SLCO5A1: variants seen among roughly 807,000 people sequenced by gnomAD.
SLCO5A1 encodes organic anion transporter polypeptide-related protein 4.
A neutral mutation model predicts 65.1 loss-of-function variants in SLCO5A1; 39 were observed. The ratio of observed to expected loss-of-function variants is 0.60; its 90% CI spans 0.46 to 0.78. The LOEUF is 0.78. Ranked by LOEUF, SLCO5A1 falls within the 30% of genes least tolerant of loss-of-function variation. The pLI is 0.00. For synonymous variants in SLCO5A1, 438 were observed against 415.7 expected (o/e 1.05, Z -0.65); for missense variants, 1,029 against 1,069.4 (o/e 0.96, Z 0.53).
intron 2 of SLCO5A1, among the ~76,000 whole-genome samples, chr8:69,825,847 G>C (rs1294137700): frequency 1.3e-5 from 2 of 152,140 alleles, no homozygotes; most frequent in Non-Finnish European, 2.9e-5. Context: ...AAAGAACAAA[G>C]CTGGAGGCAT....
chr8:69,834,797 A>C (rs1821355558), intron 1 of SLCO5A1, 57 bp downstream of exon 1: 1 of 152,100 alleles, frequency 6.6e-6, no homozygotes, highest in Non-Finnish European at 1.5e-5. Flanking sequence ...GTGGGAAGAC[A>C]AGACCGCCGG....
At chr8:69,679,355 C>T (rs1465852162) in intron 8 of SLCO5A1, 23 bp downstream of exon 8, 1 of 1,613,784 alleles carries the variant, frequency 6.2e-7, no homozygotes, top group Admixed American at 1.7e-5. Context: ...GAACCCACCC[C>T]AGAAGTTGAA....
chr8:69,832,282 A>T lies in SLCO5A1; in HGVS notation c.392T>A (p.Leu131Gln). Reference protein sequence around the residue: ...YVVLTDSRCFLVCMCFLTFIQ... With the variant: ...YVVLTDSRCFQVCMCFLTFIQ... The stretch of plus-strand genomic sequence containing the variant: ...GAAGGTCAGAAAGCACATGCACACC[A>T]GGAAGCAACGGGAATCCGTGAGGAC... The change falls in exon 2 of 10, where the codon CTG becomes CAG. Residue 131 changes from leucine (L) to glutamine (Q), a missense_variant. Physicochemically the swap from Leu to Gln is moderately radical, Grantham distance 113. Coordinates refer to ENST00000260126, the MANE Select transcript of SLCO5A1 (RefSeq NM_030958.3). This position sits in a 1 kb window ranked among gnomAD's most constrained non-coding sequence, Gnocchi z 4.5. The T allele has an allele frequency of 6.2e-7, 1 of 1,614,210 alleles. No homozygotes were observed. The highest frequency in any genetic ancestry group is 8.5e-7 in the Non-Finnish European group (1 of 1,180,044).
In SLCO5A1 at chr8:69,761,309, G is replaced by A. The variant is rs1817763297; in HGVS notation, c.1040+434C>T. On this transcript the variant is annotated intron_variant, in intron 3 of 9. Transcript: ENST00000260126. ...AATGGTTGAAAGGGCTGGAGGCTGG[G>A]GAAGAACCCATTTCCTTGCTTTTCC... 2.2e-5 allele frequency: 4 copies of A among 178,352 alleles called. No individual in the cohort carries two copies. The South Asian group carries it at 5.2e-4, about 23-fold the overall frequency. The allele number at this position is 178,352 out of a possible 1,614,324, so 11.0% of individuals were successfully genotyped here.
intron 2 of SLCO5A1, among the ~76,000 whole-genome samples, chr8:69,785,381 T>A (rs1819009235): frequency 6.6e-6 from 1 of 152,208 alleles, no homozygotes; most frequent in Non-Finnish European, 1.5e-5. Flanking sequence ...TAATTTAAAA[T>A]CATATCTCAA....
At chr8:69,778,258 T>C (rs563404812) in intron 2 of SLCO5A1, among the ~76,000 whole-genome samples, 3 of 150,998 alleles carry the variant, frequency 2.0e-5, no homozygotes, top group East Asian at 3.9e-4. Context: ...TGTGTGTGTG[T>C]GTGCATATAT....
chr8:69,729,391 C>T (rs1370681687), intron 5 of SLCO5A1, among the ~76,000 whole-genome samples: 1 of 136,458 alleles, frequency 7.3e-6, no homozygotes, highest in African/African-American at 2.7e-5. Flanking sequence ...TTGCAGTGAG[C>T]CGAGATCGTG....
chr8:69,720,778 A>G (rs560275648), intron 5 of SLCO5A1, among the ~76,000 whole-genome samples: 1 of 152,376 alleles, frequency 6.6e-6, no homozygotes, highest in Non-Finnish European at 1.5e-5. Flanking sequence ...TTACTCTCCA[A>G]TGACTACTCT....
At chr8:69,762,743 G>A (rs1285353724) in intron 2 of SLCO5A1, among the ~76,000 whole-genome samples, 1 of 152,194 alleles carries the variant, frequency 6.6e-6, no homozygotes, top group Admixed American at 6.5e-5. Flanking sequence ...CTGCTTAAGT[G>A]TCCTCACATT....
At chr8:69,759,129 A>G (rs926007247) in intron 3 of SLCO5A1, among the ~76,000 whole-genome samples, 1 of 152,048 alleles carries the variant, frequency 6.6e-6, no homozygotes, top group Non-Finnish European at 1.5e-5. Flanking sequence ...TTTTAGCATT[A>G]TTCATTCCTT....
chr8:69,809,775 G>C (rs929927330), intron 2 of SLCO5A1, among the ~76,000 whole-genome samples: 2 of 151,914 alleles, frequency 1.3e-5, no homozygotes, highest in East Asian at 1.9e-4. Context: ...AGGGGAAAAG[G>C]AAGGAGTACT....
chr8:69,673,039 T>C lies in SLCO5A1; in HGVS notation c.2377A>G (p.Arg793Gly), dbSNP rs376365686. 33 of 1,614,112 alleles carry C rather than the reference T, an allele frequency of 2.0e-5. No homozygotes were observed. Among genetic ancestry groups the C allele is most frequent in the Admixed American group, 1.7e-5 (1 of 60,008 alleles). ...TGGGTGCTGAAAGCTGGGCAAGATC[T>C]AGTCCGGGCATTGTCGGGGTGTCCC... ...RVGHPDNART[R>G]SCPAFSTQGE... Residue 793 changes from arginine (R) to glycine (G), a missense_variant, in exon 10 of 10, where the codon AGA (arginine) becomes GGA (glycine). Around this residue, in one of 3 missense-constraint regions of SLCO5A1, gnomAD observed 258 missense variants for 237.4 expected, o/e 1.09. Coordinates refer to ENST00000260126, the MANE Select transcript of SLCO5A1 (RefSeq NM_030958.3).
At position 69,761,633 on chromosome 8, in the gene SLCO5A1, T is replaced by C. The variant is rs145001311; in HGVS notation, c.1040+110A>G. The C allele has an allele frequency of 5.5e-5, 66 of 1,210,002 alleles. No homozygotes were observed. The African/African-American group carries it at 8.8e-4, about 16-fold the overall frequency. The allele number at this position is 1,210,002 out of a possible 1,614,324, so 75.0% of individuals were successfully genotyped here. A position where few individuals can be genotyped will look rare whatever the true frequency, so the allele number is the denominator to read the frequency against. ...TGCCTGTCACCCCTTCCCAGGCACC[T>C]TTCAGCTATTTTTTGTCTCCCCATT... On this transcript the variant is annotated intron_variant, in intron 3 of 9. Transcript: ENST00000260126.
At chr8:69,812,744 A>T (rs545211347) in intron 2 of SLCO5A1, among the ~76,000 whole-genome samples, 18 of 152,316 alleles carry the variant, frequency 1.2e-4, no homozygotes, top group Admixed American at 1.2e-3. Context: ...ATCCTAAGTG[A>T]AGAAATTCAA....
In SLCO5A1 at chr8:69,704,973, C is replaced by T. The variant is rs1020610746; in HGVS notation, c.1622+58G>A. 4 of 1,526,942 alleles carry T rather than the reference C, an allele frequency of 2.6e-6. No homozygotes were observed. The African/African-American group carries it at 5.5e-5, about 21-fold the overall frequency. The allele number at this position is 1,526,942 out of a possible 1,614,324, so 94.6% of individuals were successfully genotyped here. ...GAGGCTGACTGCAGATGCACAAACA[C>T]CACAGGGCTTTGCACCTCCATCGTG... On this transcript the variant is annotated intron_variant, in intron 6 of 9. Coordinates refer to ENST00000260126, the MANE Select transcript of SLCO5A1 (RefSeq NM_030958.3).
chr8:69,753,431 T>A (rs140972584), intron 4 of SLCO5A1, among the ~76,000 whole-genome samples: 62 of 152,318 alleles, frequency 4.1e-4, no homozygotes, highest in Non-Finnish European at 7.8e-4. Flanking sequence ...ATTTCAGTCC[T>A]GGCAGTTGGT....
chr8:69,826,365 T>G (rs113201566), intron 2 of SLCO5A1, among the ~76,000 whole-genome samples: 1,598 of 151,194 alleles, frequency 0.011, 20 homozygotes, highest in Non-Finnish European at 0.017. Flanking sequence ...GGGAGAAAAT[T>G]TTCGCAACCT....
chr8:69,825,350 C>A (rs913614559), intron 2 of SLCO5A1, among the ~76,000 whole-genome samples: 1 of 152,194 alleles, frequency 6.6e-6, no homozygotes, highest in African/African-American at 2.4e-5. Flanking sequence ...TCCCTGTTTG[C>A]AGATGACATG....
At chr8:69,760,414 T>C (rs1817717885) in intron 3 of SLCO5A1, among the ~76,000 whole-genome samples, 2 of 152,232 alleles carry the variant, frequency 1.3e-5, no homozygotes, top group South Asian at 4.1e-4. Context: ...TAATATCTGT[T>C]AGCTGCTTTG....
Sources: allele counts gnomAD v4.1 joint callset (sites outside exome capture counted in the v4.1 genomes callset), GRCh38; gene constraint gnomAD v4.1.1; regional missense constraint gnomAD v4.1.1; non-coding constraint Gnocchi (gnomAD v3.1); transcripts MANE v1.5; gene names NCBI Gene and HGNC (gene_info 2026-07-23, HGNC 2026-07-21).